TTC7B: variants seen among roughly 807,000 people sequenced by gnomAD.
TTC7B encodes the protein tetratricopeptide repeat protein 7B.
A neutral mutation model predicts 106.8 loss-of-function variants in TTC7B; 28 were observed. That is an observed-to-expected ratio of 0.26 (90% CI 0.19 to 0.36). The LOEUF is 0.36. Among genes scored for constraint, TTC7B ranks in the 10% least tolerant of loss-of-function variants. The pLI, the probability that TTC7B is intolerant of heterozygous loss-of-function variation, is 1.00. For synonymous variants in TTC7B, 405 were observed against 430.6 expected (o/e 0.94, Z 0.74); for missense variants, 862 against 1,076.4 (o/e 0.80, Z 2.79).
At chr14:90,628,892 T>G (rs750717863) in intron 15 of TTC7B, among the ~76,000 whole-genome samples, 31 of 152,390 alleles carry the variant, frequency 2.0e-4, no homozygotes, top group Non-Finnish European at 3.8e-4. Flanking sequence ...CTTTTGTCCA[T>G]GCCTGGCCTA....
chr14:90,591,399 A>C (rs1006382473), intron 18 of TTC7B, among the ~76,000 whole-genome samples: 2 of 152,188 alleles, frequency 1.3e-5, no homozygotes, highest in Admixed American at 1.3e-4. Context: ...TAAGTTCTTC[A>C]ATATTCTAAT....
At chr14:90,739,916 G>A (rs899447056) in intron 4 of TTC7B, among the ~76,000 whole-genome samples, 3 of 152,154 alleles carry the variant, frequency 2.0e-5, no homozygotes, top group African/African-American at 4.8e-5. Context: ...CTTGCAGGGC[G>A]GATAACTTTA....
At chr14:90,676,981 G>C (rs1412231366) in intron 8 of TTC7B, among the ~76,000 whole-genome samples, 2 of 152,154 alleles carry the variant, frequency 1.3e-5, no homozygotes, top group East Asian at 3.9e-4. Context: ...CAGCCTCATA[G>C]AAGACGCAGC....
At chr14:90,714,443 G>C (rs1363058666) in intron 5 of TTC7B, among the ~76,000 whole-genome samples, 1 of 147,516 alleles carries the variant, frequency 6.8e-6, no homozygotes, top group Non-Finnish European at 1.5e-5. Flanking sequence ...GAAGATGATT[G>C]CACAGCTGTA....
Position 90,617,193 on chromosome 14 carries a change from G to A in TTC7B, c.1868+736C>T, listed in dbSNP as rs144307082. ...TCTGTAGGGGTAGAAATTAACCCGC[G>A]GAAAACTGATAATAAAGCAAGTGAA... On this transcript the variant is annotated intron_variant, in intron 16 of 19. Transcript: ENST00000328459. 2.2e-3 allele frequency among the ~76,000 whole-genome samples: 329 copies of A among 152,248 alleles called. 2 individuals carry two copies. The highest frequency in any genetic ancestry group is 7.5e-3 in the African/African-American group (311 of 41,540).
intron 1 of TTC7B, among the ~76,000 whole-genome samples, chr14:90,814,022 C>T (rs1283115798): frequency 1.3e-5 from 2 of 152,214 alleles, no homozygotes; most frequent in Non-Finnish European, 2.9e-5. Context: ...TCTGTCTGAT[C>T]TTTTCAAGTC....
chr14:90,643,260 T>C (rs1885263875), intron 15 of TTC7B, among the ~76,000 whole-genome samples: 1 of 151,792 alleles, frequency 6.6e-6, no homozygotes, highest in Admixed American at 6.6e-5. Flanking sequence ...TACAAAAAAT[T>C]AGCTGGGTGT....
At chr14:90,779,688 C>CAGGA (rs1212350896) in intron 3 of TTC7B, among the ~76,000 whole-genome samples, 1 of 152,212 alleles carries the variant, frequency 6.6e-6, no homozygotes, top group Non-Finnish European at 1.5e-5. Context: ...TGACTTAATC[C>CAGGA]TCCTAAGAGC....
intron 9 of TTC7B, among the ~76,000 whole-genome samples, chr14:90,673,340 T>A (rs1293332650): frequency 6.6e-6 from 1 of 152,178 alleles, no homozygotes; most frequent in East Asian, 1.9e-4. Flanking sequence ...ATTGTTTGAT[T>A]CTCCAAGGAG....
chr14:90,804,126 G>A (rs922412038), intron 1 of TTC7B, among the ~76,000 whole-genome samples: 2 of 152,142 alleles, frequency 1.3e-5, no homozygotes, highest in Non-Finnish European at 2.9e-5. Context: ...ACGAGGTCAG[G>A]AGATCGAGAC....
intron 15 of TTC7B, among the ~76,000 whole-genome samples, chr14:90,630,811 TC>T (rs1312392783): frequency 1.3e-5 from 2 of 151,944 alleles, no homozygotes; most frequent in Non-Finnish European, 1.5e-5. Context: ...GGTACATCCA[TC>T]AGAATGTCCT....
chr14:90,791,005 C>T (rs1207692116), intron 1 of TTC7B, among the ~76,000 whole-genome samples: 2 of 152,052 alleles, frequency 1.3e-5, no homozygotes, highest in African/African-American at 4.8e-5. Flanking sequence ...AAGCTGGGAT[C>T]AGAATGCCCA....
intron 9 of TTC7B, among the ~76,000 whole-genome samples, chr14:90,670,447 C>T (rs1476234191): frequency 2.6e-5 from 4 of 151,994 alleles, no homozygotes; most frequent in Non-Finnish European, 5.9e-5. Context: ...TGCACAACAT[C>T]GTGAATGTAA....
intron 6 of TTC7B, among the ~76,000 whole-genome samples, chr14:90,692,257 G>C (rs530259705): frequency 6.6e-6 from 1 of 152,100 alleles, no homozygotes; most frequent in Non-Finnish European, 1.5e-5. Context: ...ACCCAGGCTG[G>C]AGTGCAGTGG....
rs964127029 is a variant in TTC7B at position 90,802,790 on chromosome 14, G to T, written c.121+13385C>A. 2.0e-5 allele frequency among the ~76,000 whole-genome samples: 3 copies of T among 152,078 alleles called. No homozygotes were observed. Among genetic ancestry groups the T allele is most frequent in the African/African-American group, 7.2e-5 (3 of 41,410 alleles). ...AGAGGCAGAGAGCCGGGTGTAACAG[G>T]GCAGGGACACTGTCAAGCAGCGGGG... is the stretch of plus-strand genomic sequence containing the variant. On this transcript the variant is annotated intron_variant, in intron 1 of 19. Coordinates refer to ENST00000328459, the MANE Select transcript of TTC7B (RefSeq NM_001010854.2). This position sits in a 1 kb window ranked among gnomAD's most constrained non-coding sequence, Gnocchi z 4.7.
At chr14:90,738,756 G>A (rs550361628) in intron 4 of TTC7B, among the ~76,000 whole-genome samples, 4 of 152,320 alleles carry the variant, frequency 2.6e-5, no homozygotes, top group Non-Finnish European at 5.9e-5. Context: ...GGAAGTTGGC[G>A]TGGAAGCATT....
intron 13 of TTC7B, 56 bp from the exon 14 acceptor site, chr14:90,647,079 C>T (rs2139886345): frequency 4.7e-6 from 7 of 1,488,860 alleles, no homozygotes; most frequent in Non-Finnish European, 6.6e-6. Flanking sequence ...TTTTACTTTC[C>T]CTATCAAGCA....
At chr14:90,584,698 GC>G (rs1485751017) in intron 18 of TTC7B, among the ~76,000 whole-genome samples, 2 of 151,664 alleles carry the variant, frequency 1.3e-5, no homozygotes, top group East Asian at 1.9e-4. Context: ...AGGACGCATG[GC>G]AGTAGGTACC....
intron 15 of TTC7B, among the ~76,000 whole-genome samples, chr14:90,630,295 G>A (rs1485432947): frequency 6.6e-6 from 1 of 152,170 alleles, no homozygotes; most frequent in Non-Finnish European, 1.5e-5. Flanking sequence ...ATCCATGCGC[G>A]TGGGGTGCTG....
Sources: allele counts gnomAD v4.1 joint callset (sites outside exome capture counted in the v4.1 genomes callset), GRCh38; gene constraint gnomAD v4.1.1; non-coding constraint Gnocchi (gnomAD v3.1); transcripts MANE v1.5; gene names NCBI Gene and HGNC (gene_info 2026-07-23, HGNC 2026-07-21).